GPSM2: variants seen among roughly 807,000 people sequenced by gnomAD.
GPSM2 encodes G protein signaling modulator 2.
GPSM2 carries 58 observed loss-of-function variants against 78.4 expected under a neutral mutation model. That is an observed-to-expected ratio of 0.74 (90% CI 0.60 to 0.92). The LOEUF is 0.92. GPSM2 is among the 40% of genes least tolerant of loss of function. The pLI is 0.00. For synonymous variants in GPSM2, 224 were observed against 280.2 expected, an observed-to-expected ratio of 0.80 and a Z score of 2.00; for missense variants, 700 against 815.5, an observed-to-expected ratio of 0.86 and a Z score of 1.73.
rs774480575 is a variant in GPSM2, at chr1:108,914,385, C to A, written c.1240C>A (p.Leu414Ile). 6.2e-6 allele frequency: 10 copies of A among 1,611,278 alleles called. No individual in the cohort carries two copies. The highest frequency in any genetic ancestry group is 3.3e-5 in the Admixed American group (2 of 59,968). Residue 414 changes from leucine (L) to isoleucine (I), a missense_variant, in exon 11 of 15, where the codon CTT (leucine) becomes ATT (isoleucine). Physicochemically the swap from Leu to Ile is conservative, Grantham distance 5. Coordinates refer to ENST00000264126, the MANE Select transcript of GPSM2 (RefSeq NM_013296.5). ...GRRHSMENME[L>I]MKLTPEKVQN... ...CCGGCATAGTATGGAAAATATGGAA[C>A]TTATGAAGTTAACACCAGAAAAGGT...
chr1:108,878,665 T>A (rs776674632), intron 1 of GPSM2, among the ~76,000 whole-genome samples: 13 of 152,326 alleles, frequency 8.5e-5, no homozygotes, highest in Non-Finnish European at 1.3e-4. Flanking sequence ...AAATCTGACA[T>A]AGATTTAGGT....
Position 108,897,645 on chromosome 1 carries a change from G to T in GPSM2, c.414+18G>T, listed in dbSNP as rs1227512473. On this transcript the variant is annotated intron_variant, in intron 4 of 14. Coordinates refer to ENST00000264126, the MANE Select transcript of GPSM2 (RefSeq NM_013296.5). ...ATGACAAGGTAATACCGCAGCATTA[G>T]ATGGTAGGCCTAATATTTTCATTCA... The T allele has an allele frequency of 6.2e-7, 1 of 1,604,958 alleles. No individual in the cohort carries two copies. Among genetic ancestry groups the T allele is most frequent in the East Asian group, 2.2e-5 (1 of 44,826 alleles).
chr1:108,918,461 C>T, intron 11 of GPSM2, 152 bp from the exon 12 acceptor site: 2 of 623,248 alleles, frequency 3.2e-6, no homozygotes, highest in Admixed American at 2.9e-5. Flanking sequence ...GTGCAATATA[C>T]TAAAAAGGAT....
intron 10 of GPSM2, among the ~76,000 whole-genome samples, chr1:108,908,152 A>G (rs1200540046): frequency 1.3e-5 from 2 of 152,134 alleles, no homozygotes; most frequent in African/African-American, 4.8e-5. Flanking sequence ...CGAGCGGATC[A>G]TGAGGTCAGG....
rs1263122078 is a variant in GPSM2, at chr1:108,934,468, T to C, written c.*4528T>C. The stretch of plus-strand genomic sequence containing the variant: ...TGGGATGTAAATATCAAAGAGAAGA[T>C]GAAATGAAAAGCTTTTACATATATA... On this transcript the variant is annotated 3_prime_UTR_variant, in exon 15 of 15. Transcript: ENST00000264126. The C allele has an allele frequency of 3.6e-6, 2 of 549,874 alleles. No individual in the cohort carries two copies. Among genetic ancestry groups the C allele is most frequent in the Non-Finnish European group, 3.1e-6 (1 of 323,168 alleles). 34.1% of individuals were successfully genotyped at this position (549,874 alleles called of 1,614,324 possible).
chr1:108,906,889 A>G (rs1050968678), intron 10 of GPSM2, among the ~76,000 whole-genome samples: 1 of 152,172 alleles, frequency 6.6e-6, no homozygotes. Flanking sequence ...CCTAGGCTGA[A>G]GTGATCCTGC....
rs1652113785 is a variant in GPSM2 at position 108,932,224 on chromosome 1, A to G, written c.*2284A>G. The G allele has an allele frequency of 6.6e-6, 1 of 152,204 alleles. No individual in the cohort carries two copies. Among genetic ancestry groups the G allele is most frequent in the South Asian group, 2.1e-4 (1 of 4,834 alleles). 9.4% of individuals were successfully genotyped at this position (152,204 alleles called of 1,614,324 possible). Reference sequence around the variant, plus strand: ...GGGAGGTGGAGGTTGCAGTGAGCCGAGATTGTACCACCTCACTCCAGCCTG... The same window carrying G: ...GGGAGGTGGAGGTTGCAGTGAGCCGGGATTGTACCACCTCACTCCAGCCTG... On this transcript the variant is annotated 3_prime_UTR_variant, in exon 15 of 15. Transcript: ENST00000264126.
intron 10 of GPSM2, among the ~76,000 whole-genome samples, chr1:108,908,215 C>T (rs1010718649): frequency 2.7e-5 from 4 of 150,632 alleles, no homozygotes; most frequent in South Asian, 4.2e-4. Context: ...ACTAAAAATA[C>T]AAAAAATTAG....
At position 108,901,797 on chromosome 1, in the gene GPSM2, C is replaced by T. The variant is rs141200340; in HGVS notation, c.805C>T (p.Leu269=). ...ETASEYYKKT[L]LLARQLKDRA... ...ATTAATTTCTTCTTGTAGGAAGACACTACTGTTGGCCCGACAGCTTAAAGA... is the reference window on the plus strand; with the variant it reads ...ATTAATTTCTTCTTGTAGGAAGACATTACTGTTGGCCCGACAGCTTAAAGA... The change falls in exon 8 of 15, where the codon CTA becomes TTA. Residue 269 remains leucine (L), a synonymous_variant. Coordinates refer to ENST00000264126, the MANE Select transcript of GPSM2 (RefSeq NM_013296.5). The T allele has an allele frequency of 1.4e-4, 222 of 1,609,712 alleles. 2 individuals carry two copies. The South Asian group carries it at 1.9e-3, about 14-fold the overall frequency.
chr1:108,885,606 AC>A (rs1443451563), intron 2 of GPSM2, 28 bp downstream of exon 2: 1 of 1,343,026 alleles, frequency 7.4e-7, no homozygotes, highest in Non-Finnish European at 1.1e-6. Context: ...TTAATGGATG[AC>A]TTTTAATCCT....
chr1:108,898,706 C>T lies in GPSM2; in HGVS notation c.622C>T (p.Leu208Phe), dbSNP rs1222355797. The T allele has an allele frequency of 6.2e-7, 1 of 1,613,922 alleles. No homozygotes were observed. The highest frequency in any genetic ancestry group is 1.7e-5 in the Admixed American group (1 of 60,020). ...GGCACAAGGACGTGCCTTTGGAAATCTTGGAAACACACATTACCTCCTTGG... is the reference window on the plus strand; with the variant it reads ...GGCACAAGGACGTGCCTTTGGAAATTTTGGAAACACACATTACCTCCTTGG... The part of the protein sequence containing the change: ...RAAQGRAFGN[L>F]GNTHYLLGNF... The change falls in exon 6 of 15, where the codon CTT becomes TTT. Residue 208 changes from leucine to phenylalanine, a missense_variant. Transcript: ENST00000264126.
intron 1 of GPSM2, among the ~76,000 whole-genome samples, chr1:108,881,732 T>C (rs1406553719): frequency 6.6e-6 from 1 of 152,206 alleles, no homozygotes; most frequent in Non-Finnish European, 1.5e-5. Context: ...GTGAATAGCA[T>C]TCTGTCTTCT....
Position 108,933,741 on chromosome 1 carries a change from A to G in GPSM2, c.*3801A>G, listed in dbSNP as rs839852. 0.35 allele frequency: 52,750 copies of G among 152,114 alleles called. 10,904 individuals carry two copies. The highest frequency in any genetic ancestry group is 0.57 in the African/African-American group (23,669 of 41,480). 9.4% of individuals were successfully genotyped at this position (152,114 alleles called of 1,614,324 possible). A position where few individuals can be genotyped will look rare whatever the true frequency, so the allele number is the denominator to read the frequency against. ...AGGAATGCTTTTGATAATCAGAAAG[A>G]CTAATGTAAAGTGCTGACTGATGTC... On this transcript the variant is annotated 3_prime_UTR_variant, in exon 15 of 15. Transcript: ENST00000264126.
In GPSM2 at chr1:108,917,149, A is replaced by C. The variant is rs186550142; in HGVS notation, c.1264-1464A>C. Reference sequence around the variant, plus strand: ...GGGTGCAGTTTTATGTTCTCACATCAAGGACCATTTTCCTTTTCTCTAAAC... The same window carrying C: ...GGGTGCAGTTTTATGTTCTCACATCCAGGACCATTTTCCTTTTCTCTAAAC... On this transcript the variant is annotated intron_variant, in intron 11 of 14. Transcript: ENST00000264126. Among the ~76,000 whole-genome samples, 141 of 152,260 alleles carry C rather than the reference A, an allele frequency of 9.3e-4. 1 individual carries two copies. The highest frequency in any genetic ancestry group is 9.9e-4 in the Non-Finnish European group (67 of 68,020).
chr1:108,928,040 A>C (rs1409912772), intron 14 of GPSM2, among the ~76,000 whole-genome samples: 1 of 152,246 alleles, frequency 6.6e-6, no homozygotes, highest in Non-Finnish European at 1.5e-5. Context: ...AAGAGTGAGC[A>C]GGGAACAACA....
chr1:108,881,306 G>A (rs781508605), intron 1 of GPSM2, among the ~76,000 whole-genome samples: 2 of 152,210 alleles, frequency 1.3e-5, no homozygotes, highest in Non-Finnish European at 2.9e-5. Context: ...GTTGTAAATA[G>A]TAGTGGAGGT....
intron 12 of GPSM2, among the ~76,000 whole-genome samples, chr1:108,919,854 A>G (rs1159780118): frequency 6.6e-6 from 1 of 152,244 alleles, no homozygotes; most frequent in African/African-American, 2.4e-5. Flanking sequence ...ATTACAAAGA[A>G]GGTACTTCAT....
In GPSM2 at chr1:108,930,103, C is replaced by A; in HGVS notation, c.*163C>A. 1.5e-6 allele frequency: 1 copy of A among 674,572 alleles called. No homozygotes were observed. The highest frequency in any genetic ancestry group is 2.5e-6 in the Non-Finnish European group (1 of 404,094). The allele number at this position is 674,572 out of a possible 1,614,324, so 41.8% of individuals were successfully genotyped here. A position where few individuals can be genotyped will look rare whatever the true frequency, so the allele number is the denominator to read the frequency against. ...AGTCTATTAAGGCATTAATACTTCT[C>A]TGGACATGCGCGTTTGAGGGTGGAG... is the stretch of plus-strand genomic sequence containing the variant. On this transcript the variant is annotated 3_prime_UTR_variant, in exon 15 of 15. Coordinates refer to ENST00000264126, the MANE Select transcript of GPSM2 (RefSeq NM_013296.5).
rs1650032469 is a variant in GPSM2, at chr1:108,914,558, G to A, written c.1263+150G>A. On this transcript the variant is annotated intron_variant, in intron 11 of 14. Transcript: ENST00000264126. Reference sequence around the variant, plus strand: ...TAAAAAAAAAGTCAGAAAAAGTATAGTGCAAAAAGAATGAGTACCGTATGC... The same window carrying A: ...TAAAAAAAAAGTCAGAAAAAGTATAATGCAAAAAGAATGAGTACCGTATGC... The A allele has an allele frequency of 4.7e-6, 3 of 642,944 alleles. No homozygotes were observed. In the Admixed American group the frequency reaches 8.5e-5, roughly 18 times the overall value. The allele number at this position is 642,944 out of a possible 1,614,324, so 39.8% of individuals were successfully genotyped here.
Sources: gnomAD v4.1 joint callset for allele counts (sites outside exome capture counted in the v4.1 genomes callset) on GRCh38, gnomAD v4.1.1 for gene constraint, MANE v1.5 for transcripts, NCBI Gene and HGNC (gene_info 2026-07-23, HGNC 2026-07-21) for gene names.